MGA: variants seen among roughly 807,000 people sequenced by gnomAD.
MGA encodes the protein MAX dimerization protein MGA.
Under a neutral mutation model 261.1 loss-of-function variants are expected in MGA, and 40 were observed. The ratio of observed to expected loss-of-function variants is 0.15; its 90% confidence interval spans 0.12 to 0.20. MGA has a LOEUF of 0.20. Among genes scored for constraint, MGA ranks in the 10% least tolerant of loss-of-function variants. MGA has a pLI of 1.00. For missense variants in MGA, 3,397 were observed against 3,630.5 expected, an observed-to-expected ratio of 0.94 and a Z score of 1.65; for synonymous variants, 1,302 against 1,290.6, an observed-to-expected ratio of 1.01 and a Z score of -0.19.
At chr15:41,670,067 A>C in intron 2 of MGA, 109 bp downstream of exon 2, 5 of 883,410 alleles carry the variant, frequency 5.7e-6, no homozygotes, top group Non-Finnish European at 6.8e-6. Context: ...GATAAATGTA[A>C]GCCACTATAA....
chr15:41,764,947 G>A lies in MGA; in HGVS notation c.7806G>A (p.Gly2602=), dbSNP rs1455398792. Residue 2602 remains glycine (G), a synonymous_variant, in exon 23 of 24, where the codon GGG becomes GGA. Coordinates refer to ENST00000219905, the MANE Select transcript of MGA (RefSeq NM_001164273.2). ...CCAACCTTGTGATGACTCCGCAAGG[G>A]CAATTGCTCACCCTAAAAGGTCCCC... 6.2e-7 allele frequency: 1 copy of A among 1,613,862 alleles called. No individual in the cohort carries two copies. The highest frequency in any genetic ancestry group is 8.5e-7 in the Non-Finnish European group (1 of 1,179,908).
intron 1 of MGA, among the ~76,000 whole-genome samples, 174 bp from the exon 2 acceptor site, chr15:41,668,654 C>T (rs997378283): frequency 2.0e-5 from 3 of 151,924 alleles, no homozygotes; most frequent in Admixed American, 1.3e-4. Context: ...ATTAGATATT[C>T]CAGAGTAAAT....
intron 7 of MGA, 121 bp downstream of exon 7, chr15:41,708,329 G>C: frequency 1.3e-6 from 1 of 766,124 alleles, no homozygotes; most frequent in East Asian, 2.7e-5. Context: ...TGTTGTTGTT[G>C]TTGTTGAGAC....
At chr15:41,699,669 T>G (rs1230301369) in intron 5 of MGA, among the ~76,000 whole-genome samples, 1 of 150,442 alleles carries the variant, frequency 6.6e-6, no homozygotes, top group African/African-American at 2.4e-5. Flanking sequence ...GCCTGGCTAA[T>G]TTTTTTGTAT....
chr15:41,715,389 C>T (rs1226558236), intron 9 of MGA, among the ~76,000 whole-genome samples: 9 of 152,090 alleles, frequency 5.9e-5, no homozygotes, highest in South Asian at 2.1e-4. Context: ...ACTTTATGAT[C>T]GGCCCACCTC....
chr15:41,729,954 G>A (rs958498099), intron 11 of MGA, among the ~76,000 whole-genome samples: 1 of 152,054 alleles, frequency 6.6e-6, no homozygotes, highest in Non-Finnish European at 1.5e-5. Flanking sequence ...GTGCAATGGT[G>A]TGGTCTCGGC....
chr15:41,748,924 C>T lies in MGA; in HGVS notation c.5500C>T (p.Pro1834Ser), dbSNP rs1428280674. Residue 1834 changes from proline to serine, a missense_variant, in exon 16 of 24, where the codon CCA (proline) becomes TCA (serine). Transcript: ENST00000219905. ...CTTACAGCCTGTCATGTTTCGGAAC[C>T]CAGGTATAAAGTTCTTTTTTATGAA... The T allele has an allele frequency of 6.2e-7, 1 of 1,613,100 alleles. No homozygotes were observed. The highest frequency in any genetic ancestry group is 8.5e-7 in the Non-Finnish European group (1 of 1,179,588).
intron 9 of MGA, among the ~76,000 whole-genome samples, chr15:41,714,680 A>G (rs547345388): frequency 1.3e-5 from 2 of 152,244 alleles, no homozygotes; most frequent in South Asian, 2.1e-4. Flanking sequence ...TTTAGTAGAG[A>G]CGGGGTTTCA....
At chr15:41,753,786 ACT>A (rs548203175) in intron 17 of MGA, among the ~76,000 whole-genome samples, 1,586 of 152,298 alleles carry the variant, frequency 0.01, 20 homozygotes, top group Non-Finnish European at 0.018. Flanking sequence ...ATTTTATTTT[ACT>A]GTTATTTAAT....
intron 7 of MGA, among the ~76,000 whole-genome samples, chr15:41,709,680 C>T (rs534882472): frequency 6.6e-6 from 1 of 152,154 alleles, no homozygotes; most frequent in East Asian, 1.9e-4. Context: ...AAGAAATCCA[C>T]CTGCCTTGGC....
rs1238780126 is a variant in MGA, at chr15:41,768,326, C to A, written c.*1046C>A. The A allele has an allele frequency of 6.6e-6, 1 of 152,628 alleles. No homozygotes were observed. The highest frequency in any genetic ancestry group is 2.4e-5 in the African/African-American group (1 of 41,436). 9.5% of individuals were successfully genotyped at this position (152,628 alleles called of 1,614,324 possible). A position where few individuals can be genotyped will look rare whatever the true frequency, so the allele number is the denominator to read the frequency against. On this transcript the variant is annotated 3_prime_UTR_variant, in exon 24 of 24. Transcript: ENST00000219905. ...TATCTGCAACCATGGATCCAATGAT[C>A]TGTAGAGCTTTTTCACTCATTAACT... is the stretch of plus-strand genomic sequence containing the variant.
chr15:41,707,726 A>G lies in MGA; in HGVS notation c.2189-2A>G. On this transcript the variant is annotated splice_acceptor_variant, in intron 5 of 23. Coordinates refer to ENST00000219905, the MANE Select transcript of MGA (RefSeq NM_001164273.2). LOFTEE classifies it high-confidence loss of function. Reference sequence around the variant, plus strand: ...GAAATATGATTTCCTTTTTTCTTTTAGTGGGCTTAAAATTGAATTCAGTGG... The same window carrying G: ...GAAATATGATTTCCTTTTTTCTTTTGGTGGGCTTAAAATTGAATTCAGTGG... The G allele has an allele frequency of 6.3e-7, 1 of 1,592,836 alleles. No individual in the cohort carries two copies. Among genetic ancestry groups the G allele is most frequent in the Non-Finnish European group, 8.5e-7 (1 of 1,172,884 alleles).
chr15:41,718,422 C>G (rs36115490), intron 9 of MGA: 3 of 1,270,284 alleles, frequency 2.4e-6, no homozygotes, highest in Non-Finnish European at 1.1e-6. Context: ...AAACACAGAT[C>G]GCAGGTAGCC....
chr15:41,756,559 G>T (rs111923500), intron 18 of MGA, among the ~76,000 whole-genome samples: 3 of 152,060 alleles, frequency 2.0e-5, no homozygotes, highest in African/African-American at 7.3e-5. Context: ...TTCACAAGGG[G>T]TCGTGTATGG....
intron 2 of MGA, among the ~76,000 whole-genome samples, chr15:41,682,172 C>G (rs1339473867): frequency 6.6e-6 from 1 of 152,166 alleles, no homozygotes; most frequent in Non-Finnish European, 1.5e-5. Context: ...CTGCCTCAGC[C>G]ACCCAAAGTG....
rs969622739 is a variant in MGA at position 41,743,180 on chromosome 15, C to G, written c.5212+8C>G. On this transcript the variant is annotated splice_region_variant and intron_variant, in intron 15 of 23. Coordinates refer to ENST00000219905, the MANE Select transcript of MGA (RefSeq NM_001164273.2). ...CAGTGAGCCAGAGACCAGGTAAGGCCTAGATGTTACTAGCTGCTTTATTTT... is the reference window on the plus strand; with the variant it reads ...CAGTGAGCCAGAGACCAGGTAAGGCGTAGATGTTACTAGCTGCTTTATTTT... The G allele has an allele frequency of 6.3e-7, 1 of 1,592,574 alleles. No homozygotes were observed. The highest frequency in any genetic ancestry group is 1.3e-5 in the African/African-American group (1 of 74,312).
chr15:41,682,519 C>T (rs1260524218), intron 2 of MGA, among the ~76,000 whole-genome samples: 1 of 151,466 alleles, frequency 6.6e-6, no homozygotes, highest in Non-Finnish European at 1.5e-5. Context: ...CTCGCTCTGT[C>T]ACCCAGGCTG....
chr15:41,736,193 A>C lies in MGA; in HGVS notation c.3929A>C (p.Lys1310Thr). The change falls in exon 13 of 24, where the codon AAG becomes ACG. Residue 1310 changes from lysine to threonine, a missense_variant. Around this residue, in one of 9 missense-constraint regions of MGA, gnomAD observed 1,410 missense variants for 1,386.4 expected, o/e 1.02. Coordinates refer to ENST00000219905, the MANE Select transcript of MGA (RefSeq NM_001164273.2). ...TATTTTACATCAGAAAAGAGCTGGA[A>C]GTCTTCCTGCAATGAAGGAGAATCC... The C allele has an allele frequency of 1.3e-6, 2 of 1,563,782 alleles. No homozygotes were observed. The highest frequency in any genetic ancestry group is 1.7e-6 in the Non-Finnish European group (2 of 1,155,342).
chr15:41,651,514 CT>C (rs907844757), intron 1 of MGA, among the ~76,000 whole-genome samples: 1 of 150,586 alleles, frequency 6.6e-6, no homozygotes. Context: ...AGTCCCCTTT[CT>C]TTTTTTTCTT....
Sources: gnomAD v4.1 joint callset for allele counts (sites outside exome capture counted in the v4.1 genomes callset) on GRCh38, gnomAD v4.1.1 for gene constraint, gnomAD v4.1.1 regional missense constraint, MANE v1.5 for transcripts, NCBI Gene and HGNC (gene_info 2026-07-23, HGNC 2026-07-21) for gene names.